CACNA1D: variants seen among roughly 807,000 people sequenced by gnomAD.
The protein encoded by CACNA1D is calcium voltage-gated channel subunit alpha1 D, also known as voltage-dependent L-type calcium channel subunit alpha-1D.
A neutral mutation model predicts 257.1 loss-of-function variants in CACNA1D; 55 were observed. The observed-to-expected ratio is 0.21, with a 90% confidence interval of 0.17 to 0.27. CACNA1D has a LOEUF of 0.27. Among genes scored for constraint, CACNA1D ranks in the 10% least tolerant of loss-of-function variants. The pLI is 1.00. For missense variants in CACNA1D, 1,876 were observed against 2,784.0 expected (o/e 0.67, Z 7.34); for synonymous variants, 980 against 1,014.9 (o/e 0.97, Z 0.65).
chr3:53,749,236 G>T, intron 26 of CACNA1D, 32 bp from the exon 27 acceptor site: 1 of 1,532,170 alleles, frequency 6.5e-7, no homozygotes, highest in Non-Finnish European at 9.0e-7. Flanking sequence ...TGGGGGGCTT[G>T]GCAGGTCCTC....
At position 53,691,846 on chromosome 3, in the gene CACNA1D, A is replaced by T. The variant is rs1262576111; in HGVS notation, c.1221-10795A>T. On this transcript the variant is annotated intron_variant, in intron 8 of 47. Coordinates refer to ENST00000350061, the MANE Select transcript of CACNA1D (RefSeq NM_001128840.3). ...TATATCTATAATATATATTACATAT[A>T]TAATATATAATATATATTATATATA... is the stretch of plus-strand genomic sequence containing the variant. Among the ~76,000 whole-genome samples the T allele has an allele frequency of 4.5e-5, 5 of 110,156 alleles. No homozygotes were observed. In the South Asian group the frequency reaches 1.2e-3, roughly 27 times the overall value. The allele number at this position is 110,156 out of a possible 152,430, so 72.3% of individuals were successfully genotyped here.
At chr3:53,555,458 GTGTTTTT>G (rs1231386768) in intron 3 of CACNA1D, among the ~76,000 whole-genome samples, 13 of 109,226 alleles carry the variant, frequency 1.2e-4, no homozygotes, top group African/African-American at 5.9e-4. Context: ...GTGTGTGTGT[GTGTTTTT>G]TTTTTTTTTT....
At chr3:53,654,890 A>G (rs1056266895) in intron 4 of CACNA1D, among the ~76,000 whole-genome samples, 1 of 152,236 alleles carries the variant, frequency 6.6e-6, no homozygotes, top group African/African-American at 2.4e-5. Context: ...CAAAACAGGC[A>G]AGGAAGAAGA....
At chr3:53,794,085 A>G (rs758554351) in intron 40 of CACNA1D, among the ~76,000 whole-genome samples, 2 of 152,192 alleles carry the variant, frequency 1.3e-5, no homozygotes, top group South Asian at 4.1e-4. Flanking sequence ...ACTACATTCT[A>G]TACTCTTTCT....
chr3:53,732,201 A>G (rs906528500), intron 18 of CACNA1D, 119 bp downstream of exon 18: 13 of 772,284 alleles, frequency 1.7e-5, no homozygotes, highest in Non-Finnish European at 2.8e-5. Context: ...TGCTGAGGCC[A>G]CCAAGGCCGT....
chr3:53,611,369 G>A (rs2093581197), intron 3 of CACNA1D, among the ~76,000 whole-genome samples: 2 of 152,200 alleles, frequency 1.3e-5, no homozygotes, highest in South Asian at 4.1e-4. Context: ...CTGGGCAACA[G>A]AGATTGAGAC....
chr3:53,762,099 G>T lies in CACNA1D; in HGVS notation c.3870+18G>T. On this transcript the variant is annotated intron_variant, in intron 30 of 47. Coordinates refer to ENST00000350061, the MANE Select transcript of CACNA1D (RefSeq NM_001128840.3). ...AAGCAGACGTGAGTATGCACCTGGC[G>T]TGGCCGCCACCTGTGTCCTCTCTCC... is the stretch of plus-strand genomic sequence containing the variant. 7 of 1,534,344 alleles carry T rather than the reference G, an allele frequency of 4.6e-6. No homozygotes were observed. The highest frequency in any genetic ancestry group is 6.3e-6 in the Non-Finnish European group (7 of 1,107,294).
At chr3:53,572,370 G>GTTTATTTA (rs1336127998) in intron 3 of CACNA1D, among the ~76,000 whole-genome samples, 63 of 133,864 alleles carry the variant, frequency 4.7e-4, no homozygotes, top group African/African-American at 1.6e-3. Flanking sequence ...TTGTTTGTTT[G>GTTTATTTA]TTTGTTTATT....
intron 44 of CACNA1D, 30 bp from the exon 45 acceptor site, chr3:53,804,953 A>G: frequency 6.2e-7 from 1 of 1,610,662 alleles, no homozygotes; most frequent in Non-Finnish European, 8.5e-7. Context: ...TGTTACCTAG[A>G]ACCTTACTGC....
Position 53,811,804 on chromosome 3 carries a change from C to T in CACNA1D, c.*398C>T, listed in dbSNP as rs560636200. The T allele has an allele frequency of 2.7e-4, 44 of 165,626 alleles. No individual in the cohort carries two copies. The highest frequency in any genetic ancestry group is 1.4e-4 in the Non-Finnish European group (11 of 76,642). 10.3% of individuals were successfully genotyped at this position (165,626 alleles called of 1,614,324 possible). A position where few individuals can be genotyped will look rare whatever the true frequency, so the allele number is the denominator to read the frequency against. On this transcript the variant is annotated 3_prime_UTR_variant, in exon 48 of 48. Coordinates refer to ENST00000350061, the MANE Select transcript of CACNA1D (RefSeq NM_001128840.3). This position sits in a 1 kb window ranked among gnomAD's most constrained non-coding sequence, Gnocchi z 4.2. ...TGCAGGGGAAAGTTAAAGGTGATGA[C>T]GATCATCACACCTGTGTCGTTACCT...
At chr3:53,694,609 C>A (rs1227096856) in intron 8 of CACNA1D, among the ~76,000 whole-genome samples, 2 of 152,188 alleles carry the variant, frequency 1.3e-5, no homozygotes, top group African/African-American at 4.8e-5. Context: ...TGTGAAAATC[C>A]TCCTCCTGCC....
intron 3 of CACNA1D, among the ~76,000 whole-genome samples, chr3:53,601,227 C>T (rs777470697): frequency 8.5e-5 from 13 of 152,224 alleles, no homozygotes; most frequent in Non-Finnish European, 1.8e-4. Flanking sequence ...TACTGTTTCT[C>T]TGTACATCCC....
intron 3 of CACNA1D, among the ~76,000 whole-genome samples, chr3:53,610,241 G>T (rs923454139): frequency 1.3e-5 from 2 of 152,138 alleles, no homozygotes; most frequent in Non-Finnish European, 2.9e-5. Flanking sequence ...TAAATGCCAG[G>T]TTCTATAAAT....
intron 3 of CACNA1D, among the ~76,000 whole-genome samples, chr3:53,545,438 T>C (rs948661608): frequency 6.6e-6 from 1 of 152,202 alleles, no homozygotes; most frequent in Non-Finnish European, 1.5e-5. Flanking sequence ...TGTACCTCGA[T>C]TGGGCTTTTG....
Position 53,813,595 on chromosome 3 carries a change from G to A in CACNA1D, c.*2189G>A, listed in dbSNP as rs569394088. On this transcript the variant is annotated 3_prime_UTR_variant, in exon 48 of 48. Coordinates refer to ENST00000350061, the MANE Select transcript of CACNA1D (RefSeq NM_001128840.3). ...AAATTGCCAGACCAGGACCCTAAGT[G>A]TCTGATAGAGGCGATGATCTTTTCC... The A allele has an allele frequency of 1.2e-4, 19 of 152,364 alleles. No individual in the cohort carries two copies. Among genetic ancestry groups the A allele is most frequent in the African/African-American group, 3.8e-4 (16 of 41,584 alleles). 9.4% of individuals were successfully genotyped at this position (152,364 alleles called of 1,614,324 possible).
chr3:53,740,915 A>G (rs1576520899), intron 21 of CACNA1D, among the ~76,000 whole-genome samples: 4 of 152,166 alleles, frequency 2.6e-5, no homozygotes, highest in African/African-American at 9.7e-5. Flanking sequence ...AAATAGTAAC[A>G]CACTATTTTC....
rs2095535188 is a variant in CACNA1D at position 53,801,433 on chromosome 3, T to G, written c.5408+8T>G. ...AAGGTCCAGTGTGAAAAGGTAACCTTGACAATGTGTTTGGACTTGCTCATG... is the reference window on the plus strand; with the variant it reads ...AAGGTCCAGTGTGAAAAGGTAACCTGGACAATGTGTTTGGACTTGCTCATG... On this transcript the variant is annotated splice_region_variant and intron_variant, in intron 42 of 47. Transcript: ENST00000350061. The G allele has an allele frequency of 6.2e-7, 1 of 1,613,504 alleles. No individual in the cohort carries two copies. Among genetic ancestry groups the G allele is most frequent in the Admixed American group, 1.7e-5 (1 of 59,988 alleles).
chr3:53,615,325 A>G (rs1440499097), intron 3 of CACNA1D, among the ~76,000 whole-genome samples: 2 of 152,232 alleles, frequency 1.3e-5, no homozygotes. Context: ...GAGATGCACC[A>G]GAGGATCACC....
chr3:53,732,702 A>G, intron 18 of CACNA1D, 113 bp from the exon 19 acceptor site: 1 of 943,474 alleles, frequency 1.1e-6, no homozygotes, highest in Non-Finnish European at 1.7e-6. Context: ...TGATTCATGT[A>G]AGCAGGTAGA....
Sources: allele counts gnomAD v4.1 joint callset (sites outside exome capture counted in the v4.1 genomes callset), GRCh38; gene constraint gnomAD v4.1.1; non-coding constraint Gnocchi (gnomAD v3.1); transcripts MANE v1.5; gene names NCBI Gene and HGNC (gene_info 2026-07-23, HGNC 2026-07-21).